CTNND2: variants seen among roughly 807,000 people sequenced by gnomAD.
The protein encoded by CTNND2 is catenin delta-2.
In CTNND2, 22 loss-of-function variants were observed where a neutral mutation model predicts 144.4. That is an observed-to-expected ratio of 0.15 (90% CI 0.11 to 0.22). The LOEUF is 0.22. Among genes scored for constraint, CTNND2 ranks in the 10% least tolerant of loss-of-function variants. The probability of loss-of-function intolerance (pLI) is 1.00; values close to 1 mark genes in which losing one functional copy is unlikely to be tolerated. For missense variants in CTNND2, 1,353 were observed against 1,618.8 expected (o/e 0.84, Z 2.82); for synonymous variants, 751 against 695.6 (o/e 1.08, Z -1.25).
chr5:11,333,771 T>C (rs1753443183), intron 9 of CTNND2, among the ~76,000 whole-genome samples: 1 of 152,190 alleles, frequency 6.6e-6, no homozygotes, highest in African/African-American at 2.4e-5. Context: ...GTTTGCTCAC[T>C]TGGCAGGCAG....
At chr5:11,237,136 C>T (rs1424478857) in intron 9 of CTNND2, among the ~76,000 whole-genome samples, 1 of 151,890 alleles carries the variant, frequency 6.6e-6, no homozygotes, top group Non-Finnish European at 1.5e-5. Flanking sequence ...TCTCCTGCCA[C>T]AGCCTCCCAA....
At chr5:11,545,124 A>C (rs896412425) in intron 3 of CTNND2, among the ~76,000 whole-genome samples, 3,991 of 148,086 alleles carry the variant, frequency 0.027, 118 homozygotes, top group East Asian at 0.2. Flanking sequence ...CCGTCTCAAA[A>C]AAAAAAAAAA....
At chr5:11,543,427 T>C (rs1346687583) in intron 3 of CTNND2, among the ~76,000 whole-genome samples, 3 of 152,212 alleles carry the variant, frequency 2.0e-5, no homozygotes, top group African/African-American at 7.2e-5. Context: ...GTAGCTTGTA[T>C]AGTTTATGTT....
At chr5:11,637,942 AC>A (rs1464857509) in intron 2 of CTNND2, among the ~76,000 whole-genome samples, 1 of 152,176 alleles carries the variant, frequency 6.6e-6, no homozygotes, top group Non-Finnish European at 1.5e-5. Flanking sequence ...GAAAACGAAT[AC>A]CGTATCAGTC....
chr5:11,841,261 A>G (rs574988085), intron 1 of CTNND2, among the ~76,000 whole-genome samples: 28 of 152,198 alleles, frequency 1.8e-4, no homozygotes, highest in Non-Finnish European at 3.4e-4. Flanking sequence ...GAATTTCAGC[A>G]TTGCTACTAG....
chr5:11,451,620 C>A (rs1581226146), intron 3 of CTNND2, among the ~76,000 whole-genome samples: 1 of 152,208 alleles, frequency 6.6e-6, no homozygotes, highest in African/African-American at 2.4e-5. Context: ...CTTCTGGTAC[C>A]AAGCATTTCG....
intron 10 of CTNND2, among the ~76,000 whole-genome samples, chr5:11,227,150 T>C: frequency 6.6e-6 from 1 of 152,216 alleles, no homozygotes; most frequent in East Asian, 1.9e-4. Flanking sequence ...TATAAAACTA[T>C]GGAATTGGTT....
intron 10 of CTNND2, 26 bp downstream of exon 10, chr5:11,236,665 C>A: frequency 1.2e-6 from 2 of 1,612,134 alleles, no homozygotes; most frequent in South Asian, 1.1e-5. Context: ...TGACACCAAT[C>A]ATTTCAGAAT....
intron 2 of CTNND2, among the ~76,000 whole-genome samples, chr5:11,710,401 A>G (rs940232927): frequency 1.3e-5 from 2 of 152,024 alleles, no homozygotes; most frequent in African/African-American, 2.4e-5. Flanking sequence ...TTAGCTGGGC[A>G]TGGTGGCGTG....
intron 9 of CTNND2, among the ~76,000 whole-genome samples, chr5:11,331,690 C>A (rs1191899589): frequency 6.6e-6 from 1 of 152,054 alleles, no homozygotes; most frequent in Non-Finnish European, 1.5e-5. Flanking sequence ...ATCTAAAACC[C>A]CAAGGCGAGA....
chr5:11,808,371 C>T (rs1253228603), intron 1 of CTNND2, among the ~76,000 whole-genome samples: 2 of 150,602 alleles, frequency 1.3e-5, no homozygotes, highest in Admixed American at 6.6e-5. Context: ...GAGTGGGGAA[C>T]GGACAAACAA....
intron 2 of CTNND2, among the ~76,000 whole-genome samples, chr5:11,722,459 G>C (rs1019370616): frequency 6.6e-6 from 1 of 152,174 alleles, no homozygotes. Context: ...AACAATAAAA[G>C]AACTACTCAT....
chr5:11,425,343 C>T (rs1046812986), intron 3 of CTNND2, among the ~76,000 whole-genome samples: 1 of 152,132 alleles, frequency 6.6e-6, no homozygotes, highest in Non-Finnish European at 1.5e-5. Flanking sequence ...AAGGGGTCTC[C>T]TTGATTGACT....
intron 1 of CTNND2, among the ~76,000 whole-genome samples, chr5:11,899,968 A>T (rs984295051): frequency 1.3e-5 from 2 of 152,212 alleles, no homozygotes; most frequent in Admixed American, 6.5e-5. Context: ...TTCAGATCAC[A>T]AACATATTTC....
At chr5:11,365,532 T>C (rs1045764443) in intron 7 of CTNND2, among the ~76,000 whole-genome samples, 1 of 152,210 alleles carries the variant, frequency 6.6e-6, no homozygotes, top group African/African-American at 2.4e-5. Context: ...TAGGAATGAT[T>C]GCCACTAACT....
chr5:11,363,871 A>G (rs899408547), intron 8 of CTNND2, among the ~76,000 whole-genome samples: 1 of 152,248 alleles, frequency 6.6e-6, no homozygotes, highest in African/African-American at 2.4e-5. Context: ...GAGCTCATAT[A>G]TATCATTAGG....
chr5:11,066,889 A>T (rs1235755613), intron 16 of CTNND2, among the ~76,000 whole-genome samples: 1 of 152,178 alleles, frequency 6.6e-6, no homozygotes, highest in Non-Finnish European at 1.5e-5. Flanking sequence ...CCCACTGTCT[A>T]TGTTTCCTTA....
chr5:11,429,524 A>G (rs950826489), intron 3 of CTNND2, among the ~76,000 whole-genome samples: 2 of 152,114 alleles, frequency 1.3e-5, no homozygotes, highest in Non-Finnish European at 2.9e-5. Context: ...GACATTCTTC[A>G]TTTTTAATTT....
At chr5:11,608,531 G>C (rs1780171748) in intron 2 of CTNND2, among the ~76,000 whole-genome samples, 2 of 152,008 alleles carry the variant, frequency 1.3e-5, no homozygotes, top group Non-Finnish European at 2.9e-5. Flanking sequence ...AAAGATTCTA[G>C]AACAGCCTCT....
Sources: allele counts gnomAD v4.1 joint callset (sites outside exome capture counted in the v4.1 genomes callset), GRCh38; gene constraint gnomAD v4.1.1; transcripts MANE v1.5; gene names NCBI Gene and HGNC (gene_info 2026-07-23, HGNC 2026-07-21).